DCBLD2: variants seen among roughly 807,000 people sequenced by gnomAD.
DCBLD2 encodes the protein discoidin, CUB and LCCL domain containing 2.
A neutral mutation model predicts 86.8 loss-of-function variants in DCBLD2; 54 were observed. The observed-to-expected ratio is 0.62, with a 90% CI of 0.50 to 0.78. DCBLD2 has a LOEUF of 0.78. DCBLD2 is among the 30% of genes least tolerant of loss of function. The probability of loss-of-function intolerance (pLI) is 0.00; values close to 1 mark genes in which losing one functional copy is unlikely to be tolerated. For synonymous variants in DCBLD2, 354 were observed against 341.3 expected, an observed-to-expected ratio of 1.04 and a Z score of -0.41; for missense variants, 908 against 954.2, an observed-to-expected ratio of 0.95 and a Z score of 0.64.
chr3:98,808,245 A>T, intron 12 of DCBLD2, 71 bp from the exon 13 acceptor site: 1 of 1,301,692 alleles, frequency 7.7e-7, no homozygotes, highest in South Asian at 1.4e-5. Context: ...CACTAGGGAA[A>T]ATTAACCACA....
At chr3:98,864,861 G>GA (rs1943115022) in intron 2 of DCBLD2, among the ~76,000 whole-genome samples, 10 of 151,400 alleles carry the variant, frequency 6.6e-5, no homozygotes, top group African/African-American at 1.9e-4. Context: ...AATAAAAAAA[G>GA]AAAAAATGTT....
At chr3:98,900,808 C>A (rs564908599) in intron 1 of DCBLD2, 5 of 419,438 alleles carry the variant, frequency 1.2e-5, no homozygotes, top group Admixed American at 3.7e-5. Context: ...GGGTCATTAC[C>A]TCCAAAGGTT....
chr3:98,825,882 G>GC (rs2107453424), intron 3 of DCBLD2, among the ~76,000 whole-genome samples: 2 of 152,002 alleles, frequency 1.3e-5, no homozygotes, highest in Admixed American at 1.3e-4. Flanking sequence ...CTGGTCCAGA[G>GC]ACAGGACTGG....
intron 1 of DCBLD2, among the ~76,000 whole-genome samples, chr3:98,888,389 A>G (rs1283102168): frequency 6.6e-6 from 1 of 152,054 alleles, no homozygotes; most frequent in African/African-American, 2.4e-5. Context: ...CCTAGAATGC[A>G]ATGGTTATAC....
chr3:98,806,377 C>T (rs1041032935), intron 13 of DCBLD2, among the ~76,000 whole-genome samples: 4 of 152,274 alleles, frequency 2.6e-5, no homozygotes, highest in African/African-American at 9.6e-5. Context: ...TCTGCTGCTG[C>T]GGGCCTCATC....
chr3:98,899,452 A>G (rs1943810780), intron 1 of DCBLD2, among the ~76,000 whole-genome samples: 2 of 151,918 alleles, frequency 1.3e-5, no homozygotes, highest in Admixed American at 6.6e-5. Context: ...GGGTTTCACC[A>G]TGTTGGTCAG....
chr3:98,875,767 G>C (rs1943357690), intron 2 of DCBLD2, among the ~76,000 whole-genome samples: 1 of 152,146 alleles, frequency 6.6e-6, no homozygotes. Flanking sequence ...CAGAACTGCA[G>C]TATATGATAA....
At chr3:98,817,478 T>C (rs1942043098) in intron 9 of DCBLD2, among the ~76,000 whole-genome samples, 1 of 152,160 alleles carries the variant, frequency 6.6e-6, no homozygotes, top group Non-Finnish European at 1.5e-5. Context: ...AATAAGAAAT[T>C]ACAAGGTCCC....
chr3:98,870,021 G>T (rs959940954), intron 2 of DCBLD2, among the ~76,000 whole-genome samples: 4 of 152,160 alleles, frequency 2.6e-5, no homozygotes, highest in African/African-American at 9.7e-5. Context: ...ATTTACTTTG[G>T]GGTAAATGAT....
intron 1 of DCBLD2, among the ~76,000 whole-genome samples, chr3:98,900,523 T>C (rs1943829352): frequency 6.6e-6 from 1 of 152,178 alleles, no homozygotes; most frequent in Admixed American, 6.5e-5. Context: ...ACCTTTTTAA[T>C]GTGGAGAGCT....
At chr3:98,872,575 G>C (rs1576196119) in intron 2 of DCBLD2, among the ~76,000 whole-genome samples, 1 of 152,124 alleles carries the variant, frequency 6.6e-6, no homozygotes, top group East Asian at 1.9e-4. Context: ...AGGAAACTGG[G>C]TACAGAAGGA....
chr3:98,804,682 G>C (rs1941796430), intron 13 of DCBLD2, among the ~76,000 whole-genome samples: 1 of 152,186 alleles, frequency 6.6e-6, no homozygotes, highest in African/African-American at 2.4e-5. Context: ...TGGGCATTTA[G>C]TGCTATAAAT....
Position 98,869,824 on chromosome 3 carries a change from T to A in DCBLD2, c.433+11716A>T, listed in dbSNP as rs541330175. The stretch of plus-strand genomic sequence containing the variant: ...GGCCAACAACTTTTCATGAACAATG[T>A]TAGCATCATGTGTAGGAATGCTGTT... On this transcript the variant is annotated intron_variant, in intron 2 of 15. Coordinates refer to ENST00000326840, the MANE Select transcript of DCBLD2 (RefSeq NM_080927.4). Among the ~76,000 whole-genome samples, 114 of 152,376 alleles carry A rather than the reference T, an allele frequency of 7.5e-4. 1 individual carries two copies. Among genetic ancestry groups the A allele is most frequent in the African/African-American group, 2.7e-3 (111 of 41,594 alleles).
At chr3:98,859,112 C>T (rs1217481659) in intron 2 of DCBLD2, among the ~76,000 whole-genome samples, 3 of 152,176 alleles carry the variant, frequency 2.0e-5, no homozygotes, top group African/African-American at 4.8e-5. Context: ...CCTACGCCAA[C>T]GGAGGCTCAC....
At chr3:98,866,717 C>T (rs574312539) in intron 2 of DCBLD2, among the ~76,000 whole-genome samples, 1 of 152,242 alleles carries the variant, frequency 6.6e-6, no homozygotes, top group African/African-American at 2.4e-5. Context: ...TTAATTAGAT[C>T]CCATTTGTCA....
At chr3:98,808,248 T>A in intron 12 of DCBLD2, 74 bp from the exon 13 acceptor site, 2 of 1,289,120 alleles carry the variant, frequency 1.6e-6, no homozygotes, top group Non-Finnish European at 2.1e-6. Context: ...TAGGGAAAAT[T>A]AACCACATCA....
intron 7 of DCBLD2, among the ~76,000 whole-genome samples, chr3:98,819,944 T>G (rs1277498070): frequency 2.6e-5 from 4 of 152,246 alleles, no homozygotes; most frequent in Non-Finnish European, 5.9e-5. Flanking sequence ...ACCAGAGCAA[T>G]GCCTGGCACA....
At chr3:98,901,099 C>G (rs1171490601) in intron 1 of DCBLD2, 23 bp downstream of exon 1, 12 of 1,538,758 alleles carry the variant, frequency 7.8e-6, no homozygotes, top group Non-Finnish European at 1.0e-5. Context: ...TCCCCCGCCG[C>G]TCACTCCCCT....
chr3:98,864,725 A>T (rs935123521), intron 2 of DCBLD2, among the ~76,000 whole-genome samples: 2 of 152,110 alleles, frequency 1.3e-5, no homozygotes, highest in Admixed American at 6.6e-5. Flanking sequence ...GAGGGGGGAG[A>T]GAAAGCATTA....
Sources: allele counts gnomAD v4.1 joint callset (sites outside exome capture counted in the v4.1 genomes callset), GRCh38; gene constraint gnomAD v4.1.1; transcripts MANE v1.5; gene names NCBI Gene and HGNC (gene_info 2026-07-23, HGNC 2026-07-21).